NOSTRIN: variants seen among roughly 807,000 people sequenced by gnomAD.
NOSTRIN encodes the protein nitric oxide synthase trafficking.
NOSTRIN carries 63 observed loss-of-function variants against 59.0 expected under a neutral mutation model. That is an observed-to-expected ratio of 1.07 (90% confidence interval 0.87 to 1.32). The LOEUF is 1.32. NOSTRIN is among the 40% of genes most tolerant of loss of function. The pLI is 0.00. For missense variants in NOSTRIN, 512 were observed against 473.1 expected (o/e 1.08, Z -0.76); for synonymous variants, 200 against 165.4 (o/e 1.21, Z -1.61).
chr2:168,824,753 CT>C (rs759720280), intron 3 of NOSTRIN, 36 bp downstream of exon 3: 126 of 738,190 alleles, frequency 1.7e-4, no homozygotes, highest in South Asian at 1.2e-3. Flanking sequence ...AAAATCAACC[CT>C]TTTTTTATTT....
At chr2:168,863,157 C>T (rs575245246) in intron 15 of NOSTRIN, among the ~76,000 whole-genome samples, 1 of 152,228 alleles carries the variant, frequency 6.6e-6, no homozygotes, top group South Asian at 2.1e-4. Context: ...ACTTTATATT[C>T]TAAGCAGTTT....
At chr2:168,835,683 G>A (rs1687676881) in intron 7 of NOSTRIN, among the ~76,000 whole-genome samples, 1 of 152,126 alleles carries the variant, frequency 6.6e-6, no homozygotes, top group Non-Finnish European at 1.5e-5. Context: ...ATGCTGGAAG[G>A]GAAAACACAG....
At chr2:168,858,498 A>G (rs1164811298) in intron 12 of NOSTRIN, among the ~76,000 whole-genome samples, 2 of 152,238 alleles carry the variant, frequency 1.3e-5, no homozygotes, top group African/African-American at 4.8e-5. Flanking sequence ...AAGCAGTGTC[A>G]TAAGAAAAAT....
chr2:168,834,402 G>A, intron 7 of NOSTRIN, 77 bp downstream of exon 7: 1 of 757,260 alleles, frequency 1.3e-6, no homozygotes, highest in South Asian at 1.5e-5. Context: ...GAACACAAGA[G>A]AACGGGTTGA....
intron 8 of NOSTRIN, among the ~76,000 whole-genome samples, chr2:168,848,088 G>A (rs1319802581): frequency 6.6e-6 from 1 of 152,170 alleles, no homozygotes; most frequent in African/African-American, 2.4e-5. Context: ...CAGAAGAGCT[G>A]ATTTCTAGAT....
At position 168,831,554 on chromosome 2, in the gene NOSTRIN, A is replaced by G; in HGVS notation, c.405+20A>G. Reference sequence around the variant, plus strand: ...ATTAAGGCAAGTATCCACAAATACCATTTGTGTAAACTCAGTTTTTAGAAT... The same window carrying G: ...ATTAAGGCAAGTATCCACAAATACCGTTTGTGTAAACTCAGTTTTTAGAAT... On this transcript the variant is annotated intron_variant, in intron 6 of 15. Coordinates refer to ENST00000317647, the MANE Select transcript of NOSTRIN (RefSeq NM_001039724.4). 2.4e-6 allele frequency: 2 copies of G among 848,422 alleles called. No individual in the cohort carries two copies. Among genetic ancestry groups the G allele is most frequent in the Non-Finnish European group, 4.1e-6 (2 of 482,448 alleles). 52.6% of individuals were successfully genotyped at this position (848,422 alleles called of 1,614,324 possible).
At chr2:168,850,856 A>G in intron 8 of NOSTRIN, 1 of 796,054 alleles carries the variant, frequency 1.3e-6, no homozygotes, top group South Asian at 1.4e-5. Context: ...GCATCTGCCT[A>G]TATGCCTTTT....
intron 8 of NOSTRIN, 145 bp from the exon 9 acceptor site, chr2:168,850,939 C>A: frequency 1.2e-6 from 1 of 805,408 alleles, no homozygotes; most frequent in Non-Finnish European, 2.1e-6. Flanking sequence ...GGAAATCTCC[C>A]TCCACTATGG....
intron 15 of NOSTRIN, among the ~76,000 whole-genome samples, chr2:168,864,285 GT>G (rs60068017): frequency 0.87 from 129,672 of 148,608 alleles, 56,697 homozygotes; most frequent in African/African-American, 0.96. Context: ...CTGTGATCCT[GT>G]TTTTTTTTTT....
At chr2:168,836,781 C>T (rs1687746076) in intron 7 of NOSTRIN, among the ~76,000 whole-genome samples, 1 of 152,190 alleles carries the variant, frequency 6.6e-6, no homozygotes, top group Non-Finnish European at 1.5e-5. Flanking sequence ...ATCCTGTGCT[C>T]TAATCTCATC....
chr2:168,845,407 G>A (rs1334030507), intron 8 of NOSTRIN, among the ~76,000 whole-genome samples: 1 of 152,312 alleles, frequency 6.6e-6, no homozygotes, highest in African/African-American at 2.4e-5. Context: ...TTTCACCTCA[G>A]TGTCTCTATC....
At chr2:168,855,802 G>T (rs753028694) in intron 11 of NOSTRIN, 1 of 441,972 alleles carries the variant, frequency 2.3e-6, no homozygotes, top group East Asian at 6.6e-5. Context: ...AACTGTGCAT[G>T]AGAGTTTTGG....
chr2:168,794,765 C>G (rs953388709), upstream of NOSTRIN, among the ~76,000 whole-genome samples: 1 of 151,916 alleles, frequency 6.6e-6, no homozygotes, highest in East Asian at 1.9e-4. Context: ...TTAACATATA[C>G]TTTTTAAAAA....
intron 2 of NOSTRIN, among the ~76,000 whole-genome samples, chr2:168,788,902 GAT>G (rs1253451385): frequency 5.1e-5 from 7 of 137,616 alleles, no homozygotes; most frequent in African/African-American, 1.8e-4. Flanking sequence ...AAGATAGATA[GAT>G]AGATAGATAG....
chr2:168,832,095 A>C (rs1003718501), intron 6 of NOSTRIN, among the ~76,000 whole-genome samples: 9 of 152,200 alleles, frequency 5.9e-5, no homozygotes, highest in Non-Finnish European at 1.2e-4. Flanking sequence ...AGTGATATGT[A>C]AAAGGGGATG....
chr2:168,859,680 G>T (rs1689323995), intron 13 of NOSTRIN, 43 bp downstream of exon 13: 1 of 1,606,816 alleles, frequency 6.2e-7, no homozygotes. Context: ...GATTGGGCCT[G>T]CTGGGTGGAG....
chr2:168,864,978 C>T lies in NOSTRIN; in HGVS notation c.*8C>T, dbSNP rs1689772178. The T allele has an allele frequency of 1.2e-6, 2 of 1,613,754 alleles. No homozygotes were observed. Among genetic ancestry groups the T allele is most frequent in the African/African-American group, 1.3e-5 (1 of 75,040 alleles). ...ACAGCTACAAAGGCATAAAACAAGA[C>T]TCTGAACATACTACCTTCACACTCG... On this transcript the variant is annotated 3_prime_UTR_variant, in exon 16 of 16. Transcript: ENST00000317647.
intron 6 of NOSTRIN, 89 bp downstream of exon 6, chr2:168,831,623 A>G: frequency 1.3e-6 from 1 of 757,752 alleles, no homozygotes; most frequent in Non-Finnish European, 2.4e-6. Context: ...ATGTTCTAGC[A>G]TTAGTACTTC....
intron 1 of NOSTRIN, among the ~76,000 whole-genome samples, chr2:168,809,610 T>C (rs1008830862): frequency 6.6e-6 from 1 of 151,914 alleles, no homozygotes; most frequent in African/African-American, 2.4e-5. Flanking sequence ...TTACTGCAGG[T>C]CTTCTCACAA....
Sources: gnomAD v4.1 joint callset for allele counts (sites outside exome capture counted in the v4.1 genomes callset) on GRCh38, gnomAD v4.1.1 for gene constraint, MANE v1.5 for transcripts, NCBI Gene and HGNC (gene_info 2026-07-23, HGNC 2026-07-21) for gene names.